NPR1: variants seen among roughly 807,000 people sequenced by gnomAD.
NPR1 encodes the protein atrial natriuretic peptide receptor 1.
A neutral mutation model predicts 116.9 loss-of-function variants in NPR1; 57 were observed. The observed-to-expected ratio is 0.49, with a 90% confidence interval of 0.39 to 0.61. NPR1 has a LOEUF of 0.61. NPR1 is among the 20% of genes least tolerant of loss of function. NPR1 has a pLI of 0.00. For synonymous variants in NPR1, 555 were observed against 601.6 expected, an observed-to-expected ratio of 0.92 and a Z score of 1.13; for missense variants, 1,096 against 1,409.8, an observed-to-expected ratio of 0.78 and a Z score of 3.56.
In NPR1 at chr1:153,690,378, G is replaced by T; in HGVS notation, c.3027G>T (p.Gly1009=). Residue 1009 remains glycine, a synonymous_variant, in exon 20 of 22, where the codon GGG becomes GGT. Transcript: ENST00000368680. The stretch of plus-strand genomic sequence containing the variant: ...CAGCCTCAAGAATGGAGTCTAATGG[G>T]GAAGGTACAGTGCCCCCTCCTAGAG... ...VNTASRMESN[G]EALKIHLSSE... 6.4e-7 allele frequency: 1 copy of T among 1,555,108 alleles called. No homozygotes were observed. The highest frequency in any genetic ancestry group is 8.7e-7 in the Non-Finnish European group (1 of 1,147,980).
intron 4 of NPR1, among the ~76,000 whole-genome samples, 191 bp from the exon 5 acceptor site, chr1:153,682,307 G>A (rs921743690): frequency 1.3e-5 from 2 of 152,060 alleles, no homozygotes; most frequent in Admixed American, 6.6e-5. Flanking sequence ...TGATCTGCCC[G>A]CCTCAGCCTC....
chr1:153,680,955 GGGA>G (rs530867990), intron 2 of NPR1: 7 of 597,532 alleles, frequency 1.2e-5, no homozygotes, highest in Non-Finnish European at 2.1e-5. Context: ...GGCTTGAGGC[GGGA>G]GGAGGATAAA....
In NPR1 at chr1:153,689,109, T is replaced by C; in HGVS notation, c.2564+10T>C. 1 of 1,613,466 alleles carries C rather than the reference T, an allele frequency of 6.2e-7. No individual in the cohort carries two copies. The highest frequency in any genetic ancestry group is 8.5e-7 in the Non-Finnish European group (1 of 1,179,462). ...ACCAGATCCTGCCTCAGTGAGTGCC[T>C]GAGTCTGGGGACCCCCCCCAACACA... is the stretch of plus-strand genomic sequence containing the variant. On this transcript the variant is annotated intron_variant, in intron 16 of 21. Transcript: ENST00000368680. This position sits in a 1 kb window ranked among gnomAD's most constrained non-coding sequence, Gnocchi z 5.1.
rs565874749 is a variant in NPR1, at chr1:153,686,131, C to T, written c.1689C>T (p.Leu563=). The T allele has an allele frequency of 9.3e-6, 15 of 1,613,936 alleles. No individual in the cohort carries two copies. Among genetic ancestry groups the T allele is most frequent in the South Asian group, 6.6e-5 (6 of 91,022 alleles). Residue 563 remains leucine (L), a synonymous_variant, in exon 10 of 22, where the codon CTC becomes CTT. Transcript: ENST00000368680. ...CTCCATTCCATGCCCAGGGCAACCT[C>T]GTGGCTGTGAAACGTGTGAACCGTA... The part of the protein sequence containing the change: ...FAKTAYYKGN[L]VAVKRVNRKR...
At chr1:153,690,108 GTCTCTCTCTCTCTCTCTC>G in intron 19 of NPR1, 128 bp downstream of exon 19, 4 of 312,672 alleles carry the variant, frequency 1.3e-5, no homozygotes, top group South Asian at 1.2e-4. Context: ...CTCTCTCTCT[GTCTCTCTCTCTCTCTCTC>G]TCTCTCTCTC....
intron 1 of NPR1, 102 bp from the exon 2 acceptor site, chr1:153,680,399 C>A: frequency 9.6e-7 from 1 of 1,040,298 alleles, no homozygotes; most frequent in Non-Finnish European, 1.5e-6. Context: ...GTCTCTCCTG[C>A]ACCCTATCTC....
rs1670030124 is a variant in NPR1, at chr1:153,689,482, T to A, written c.2718T>A (p.Thr906=). 1 of 1,614,010 alleles carries A rather than the reference T, an allele frequency of 6.2e-7. No individual in the cohort carries two copies. The highest frequency in any genetic ancestry group is 8.5e-7 in the Non-Finnish European group (1 of 1,180,028). ...TGACCCTGCTCAATGACCTGTACAC[T>A]TGCTTTGATGCTGTCATAGACAACT... is the stretch of plus-strand genomic sequence containing the variant. ...QVVTLLNDLY[T]CFDAVIDNFD... The change falls in exon 18 of 22, where the codon ACT becomes ACA. Residue 906 remains threonine, a synonymous_variant. Transcript: ENST00000368680. This position sits in a 1 kb window ranked among gnomAD's most constrained non-coding sequence, Gnocchi z 5.1.
chr1:153,692,367 G>C (rs912638301), intron 20 of NPR1, among the ~76,000 whole-genome samples: 1 of 152,106 alleles, frequency 6.6e-6, no homozygotes, highest in Non-Finnish European at 1.5e-5. Context: ...GTAGAGCCGG[G>C]TGACACTCCA....
rs5777878 is a variant in NPR1, at chr1:153,691,886, C to CAA, written c.3032-1209_3032-1208dup. 5.3e-5 allele frequency among the ~76,000 whole-genome samples: 7 copies of CAA among 133,198 alleles called. No homozygotes were observed. In the South Asian group the frequency reaches 1.2e-3, roughly 23 times the overall value. The allele number at this position is 133,198 out of a possible 152,430, so 87.4% of individuals were successfully genotyped here. ...TGGGCAACAGAGCGAGACTCTGTCT[C>CAA]AAAAAAAAAAAAGAGAGAAAGAAAG... On this transcript the variant is annotated intron_variant, in intron 20 of 21. Transcript: ENST00000368680.
chr1:153,686,820 C>G, intron 11 of NPR1, 70 bp downstream of exon 11: 1 of 1,427,426 alleles, frequency 7.0e-7, no homozygotes, highest in Non-Finnish European at 9.8e-7. Flanking sequence ...GGCCATAAGA[C>G]CCCAGGCATG....
In NPR1 at chr1:153,681,224, C is replaced by T. The variant is rs995051465; in HGVS notation, c.966C>T (p.Tyr322=). 4 of 1,613,556 alleles carry T rather than the reference C, an allele frequency of 2.5e-6. No homozygotes were observed. In the African/African-American group the frequency reaches 4.0e-5, roughly 16 times the overall value. Residue 322 remains tyrosine (Y), a synonymous_variant, in exon 3 of 22, where the codon TAC becomes TAT. Transcript: ENST00000368680. Reference sequence around the variant, plus strand: ...ATAAAGACCCAGATAATCCCGAGTACTTGGAATTCCTGAAGCAGTTAAAAC... The same window carrying T: ...ATAAAGACCCAGATAATCCCGAGTATTTGGAATTCCTGAAGCAGTTAAAAC... ...ITYKDPDNPE[Y]LEFLKQLKHL...
chr1:153,689,184 T>C lies in NPR1; in HGVS notation c.2565-4T>C, dbSNP rs776008225. 6.2e-7 allele frequency: 1 copy of C among 1,614,136 alleles called. No individual in the cohort carries two copies. Among genetic ancestry groups the C allele is most frequent in the Admixed American group, 1.7e-5 (1 of 60,014 alleles). ...CTGATCCTGCACCTGCCCTGACCCC[T>C]TAGCTCAGTGGCTGAGCAGCTGAAG... On this transcript the variant is annotated splice_region_variant and splice_polypyrimidine_tract_variant and intron_variant, in intron 16 of 21. Coordinates refer to ENST00000368680, the MANE Select transcript of NPR1 (RefSeq NM_000906.4). This position sits in a 1 kb window ranked among gnomAD's most constrained non-coding sequence, Gnocchi z 5.1.
At position 153,679,406 on chromosome 1, in the gene NPR1, G is replaced by A. The variant is rs1282887643; in HGVS notation, c.298G>A (p.Ala100Thr). 61 of 1,541,070 alleles carry A rather than the reference G, an allele frequency of 4.0e-5. No individual in the cohort carries two copies. The Admixed American group carries it at 1.2e-3, about 29-fold the overall frequency. The stretch of plus-strand genomic sequence containing the variant: ...CTGCTCCGACACCGCAGCGCCCCTG[G>A]CCGCGGTGGACCTCAAGTGGGAGCA... ...GVCSDTAAPL[A>T]AVDLKWEHNP... The change falls in exon 1 of 22, where the codon GCC (alanine) becomes ACC (threonine). Residue 100 changes from alanine (A) to threonine (T), a missense_variant. Physicochemically the swap from Ala to Thr is moderately conservative, Grantham distance 58. Transcript: ENST00000368680. This position sits in a 1 kb window ranked among gnomAD's most constrained non-coding sequence, Gnocchi z 4.2.
chr1:153,681,838 A>C lies in NPR1; in HGVS notation c.1170A>C (p.Gln390His), dbSNP rs767846085. 4 of 1,613,738 alleles carry C rather than the reference A, an allele frequency of 2.5e-6. No homozygotes were observed. Among genetic ancestry groups the C allele is most frequent in the Non-Finnish European group, 2.5e-6 (3 of 1,179,892 alleles). The change falls in exon 4 of 22, where the codon CAA becomes CAC. Residue 390 changes from glutamine to histidine, a missense_variant and splice_region_variant. Coordinates refer to ENST00000368680, the MANE Select transcript of NPR1 (RefSeq NM_000906.4). ...ITQRMWNRSFQGVTGYLKIDS... is the reference protein window; with the variant it reads ...ITQRMWNRSFHGVTGYLKIDS... ...AGCGGATGTGGAACCGAAGCTTTCAAGGTCAGGGCCTGGAGGTGGCTGGAA... is the reference window on the plus strand; with the variant it reads ...AGCGGATGTGGAACCGAAGCTTTCACGGTCAGGGCCTGGAGGTGGCTGGAA...
chr1:153,691,129 A>G (rs1670099230), intron 20 of NPR1, among the ~76,000 whole-genome samples: 1 of 152,110 alleles, frequency 6.6e-6, no homozygotes, highest in African/African-American at 2.4e-5. Flanking sequence ...TCTATCTCAC[A>G]GGAATTATGT....
intron 20 of NPR1, 48 bp downstream of exon 20, chr1:153,690,430 G>A: frequency 1.4e-6 from 2 of 1,413,254 alleles, no homozygotes; most frequent in Non-Finnish European, 2.0e-6. Context: ...GGTGGCTGAG[G>A]GAAATGCCAT....
chr1:153,681,336 C>T (rs778604027), intron 3 of NPR1, 43 bp downstream of exon 3: 14 of 1,122,056 alleles, frequency 1.2e-5, no homozygotes, highest in Non-Finnish European at 1.9e-5. Context: ...ACCTCCAGCC[C>T]CCACTCCATG....
chr1:153,679,683 A>G lies in NPR1; in HGVS notation c.575A>G (p.Asp192Gly). The change falls in exon 1 of 22, where the codon GAC becomes GGC. Residue 192 changes from aspartate to glycine, a missense_variant. Asp to Gly is a moderately conservative substitution (Grantham distance 94). Coordinates refer to ENST00000368680, the MANE Select transcript of NPR1 (RefSeq NM_000906.4). This position sits in a 1 kb window ranked among gnomAD's most constrained non-coding sequence, Gnocchi z 4.2. ...ALMLYAYRPG[D>G]EEHCFFLVEG... ...ATGCTCTACGCCTACCGGCCGGGTG[A>G]CGAAGAGCACTGCTTCTTCCTCGTG... The G allele has an allele frequency of 6.2e-7, 1 of 1,609,488 alleles. No homozygotes were observed.
Position 153,689,816 on chromosome 1 carries a change from T to C in NPR1, c.2768T>C (p.Ile923Thr). ...DNFDVYKVETIGDAYMVVSGL... is the reference protein window; with the variant it reads ...DNFDVYKVETTGDAYMVVSGL... The stretch of plus-strand genomic sequence containing the variant: ...TCGCCACTCCCACAGGTGGAGACAA[T>C]TGGCGATGCCTACATGGTGGTGTCA... The change falls in exon 19 of 22, where the codon ATT becomes ACT. Residue 923 changes from isoleucine to threonine, a missense_variant. Coordinates refer to ENST00000368680, the MANE Select transcript of NPR1 (RefSeq NM_000906.4). This position sits in a 1 kb window ranked among gnomAD's most constrained non-coding sequence, Gnocchi z 5.1. 2 of 1,565,354 alleles carry C rather than the reference T, an allele frequency of 1.3e-6. No homozygotes were observed. The highest frequency in any genetic ancestry group is 2.3e-5 in the South Asian group (2 of 85,530).
Sources: allele counts gnomAD v4.1 joint callset (sites outside exome capture counted in the v4.1 genomes callset), GRCh38; gene constraint gnomAD v4.1.1; non-coding constraint Gnocchi (gnomAD v3.1); transcripts MANE v1.5; gene names NCBI Gene and HGNC (gene_info 2026-07-23, HGNC 2026-07-21).